The following MAGI2 variants were observed in gnomAD, a reference collection of about 807,000 sequenced individuals.
MAGI2 encodes the protein membrane associated guanylate kinase, WW and PDZ domain containing 2, also known as membrane-associated guanylate kinase, WW and PDZ domain-containing protein 2.
Under a neutral mutation model 133.3 loss-of-function variants are expected in MAGI2, and 35 were observed. That is an observed-to-expected ratio of 0.26 (90% CI 0.20 to 0.35). The LOEUF is 0.35. Ranked by LOEUF, MAGI2 falls within the 10% of genes least tolerant of loss-of-function variation. The pLI is 1.00. For missense variants in MAGI2, 1,636 were observed against 1,863.4 expected, an observed-to-expected ratio of 0.88 and a Z score of 2.25; for synonymous variants, 729 against 710.6, an observed-to-expected ratio of 1.03 and a Z score of -0.41.
chr7:78,253,442 C>G (rs905980276), intron 10 of MAGI2: 8 of 152,164 alleles, frequency 5.3e-5, no homozygotes, highest in Non-Finnish European at 1.2e-4. Context: ...TGTTGCACAA[C>G]TATATCATTT....
chr7:78,406,897 A>G (rs1797431188), intron 6 of MAGI2, among the ~76,000 whole-genome samples: 1 of 152,036 alleles, frequency 6.6e-6, no homozygotes, highest in African/African-American at 2.4e-5. Flanking sequence ...TGTAATATTC[A>G]TTGTCACTGT....
chr7:78,421,367 T>C lies in MAGI2; in HGVS notation c.1046-52154A>G, dbSNP rs371045971. On this transcript the variant is annotated intron_variant, in intron 6 of 21. Coordinates refer to ENST00000354212, the MANE Select transcript of MAGI2 (RefSeq NM_012301.4). ...GGCCTTGTTGAGTTCTCTGAGGTGGTTAACAATTATTGTGTGGCCAAATTG... is the reference window on the plus strand; with the variant it reads ...GGCCTTGTTGAGTTCTCTGAGGTGGCTAACAATTATTGTGTGGCCAAATTG... Among the ~76,000 whole-genome samples the C allele has an allele frequency of 3.7e-4, 56 of 152,336 alleles. 2 individuals carry two copies. In the South Asian group the frequency reaches 0.011, roughly 29 times the overall value.
chr7:78,644,722 G>A (rs551067694), intron 2 of MAGI2, among the ~76,000 whole-genome samples: 113 of 152,022 alleles, frequency 7.4e-4, no homozygotes, highest in South Asian at 6.2e-4. Context: ...CAATGACCTC[G>A]GAAACTGGTA....
chr7:78,504,346 T>A (rs1464046226), intron 4 of MAGI2, among the ~76,000 whole-genome samples: 2 of 152,226 alleles, frequency 1.3e-5, no homozygotes, highest in African/African-American at 4.8e-5. Flanking sequence ...TGTGTATGTT[T>A]ACTGAGCTAT....
intron 9 of MAGI2, among the ~76,000 whole-genome samples, chr7:78,335,115 T>C (rs186039231): frequency 1.3e-5 from 2 of 152,348 alleles, no homozygotes; most frequent in African/African-American, 4.8e-5. Context: ...CTGCAAAACC[T>C]AAAATGTTTT....
chr7:78,377,465 G>C lies in MAGI2; in HGVS notation c.1046-8252C>G, dbSNP rs572497138. On this transcript the variant is annotated intron_variant, in intron 6 of 21. Coordinates refer to ENST00000354212, the MANE Select transcript of MAGI2 (RefSeq NM_012301.4). ...AAGTATGAAGAATTGAAAGAAAGGG[G>C]GTTGACAGTGAGCAGAATAACATTC... Among the ~76,000 whole-genome samples the C allele has an allele frequency of 2.6e-5, 4 of 151,878 alleles. No homozygotes were observed. In the East Asian group the frequency reaches 7.8e-4, roughly 29 times the overall value.
Position 78,521,688 on chromosome 7 carries a change from C to A in MAGI2, c.539-43G>T, listed in dbSNP as rs769037901. On this transcript the variant is annotated intron_variant, in intron 3 of 21. Transcript: ENST00000354212. ...ACATTCTTGGAGTTAAATATTTCTT[C>A]TACCATGTACATAATTTGTGAAGAA... The A allele has an allele frequency of 3.3e-6, 5 of 1,516,998 alleles. No homozygotes were observed. The African/African-American group carries it at 5.5e-5, about 17-fold the overall frequency. The allele number at this position is 1,516,998 out of a possible 1,614,324, so 94.0% of individuals were successfully genotyped here.
intron 1 of MAGI2, among the ~76,000 whole-genome samples, chr7:79,445,025 T>C (rs1296747637): frequency 6.6e-6 from 1 of 152,178 alleles, no homozygotes; most frequent in African/African-American, 2.4e-5. Flanking sequence ...TCTACAACTC[T>C]CTGATCTTTG....
intron 2 of MAGI2, among the ~76,000 whole-genome samples, chr7:78,656,106 A>T (rs1312983670): frequency 6.6e-6 from 1 of 152,148 alleles, no homozygotes; most frequent in Non-Finnish European, 1.5e-5. Flanking sequence ...ACAGCCTAAG[A>T]GGCTGTCCAT....
chr7:79,270,024 T>C (rs1342645474), intron 1 of MAGI2, among the ~76,000 whole-genome samples: 2 of 152,126 alleles, frequency 1.3e-5, no homozygotes, highest in African/African-American at 4.8e-5. Flanking sequence ...TAAGACTTTT[T>C]TAGAGATTCT....
rs549793901 is a variant in MAGI2 at position 78,587,180 on chromosome 7, A to G, written c.538+39940T>C. Among the ~76,000 whole-genome samples the G allele has an allele frequency of 1.9e-3, 287 of 152,310 alleles. 1 individual carries two copies. The highest frequency in any genetic ancestry group is 6.4e-3 in the African/African-American group (268 of 41,570). On this transcript the variant is annotated intron_variant, in intron 3 of 21. Transcript: ENST00000354212. ...TACTGTTTTCCATAGCAGCTGCACC[A>G]TTTTATATTCTCACCAGAAATGTAC...
intron 21 of MAGI2, among the ~76,000 whole-genome samples, chr7:78,029,425 A>C (rs1471343176): frequency 1.3e-5 from 2 of 152,228 alleles, no homozygotes; most frequent in Non-Finnish European, 2.9e-5. Context: ...ATATTTAAAG[A>C]CAAGTTTTGA....
intron 1 of MAGI2, among the ~76,000 whole-genome samples, chr7:79,146,884 C>T (rs1407213550): frequency 6.6e-6 from 1 of 152,176 alleles, no homozygotes; most frequent in African/African-American, 2.4e-5. Flanking sequence ...TAACTCTGCC[C>T]TGATGGAGTA....
chr7:78,295,025 A>G (rs2151053681), intron 9 of MAGI2, among the ~76,000 whole-genome samples: 1 of 152,278 alleles, frequency 6.6e-6, no homozygotes, highest in Middle Eastern at 3.4e-3. Context: ...TATGTTGAAT[A>G]TCATTTATCT....
intron 2 of MAGI2, among the ~76,000 whole-genome samples, chr7:78,816,382 A>C (rs1419904421): frequency 6.6e-6 from 1 of 152,226 alleles, no homozygotes; most frequent in Non-Finnish European, 1.5e-5. Flanking sequence ...TAGCTAAAAT[A>C]ATTGATGAAA....
At chr7:78,818,511 T>C (rs1320604842) in intron 2 of MAGI2, among the ~76,000 whole-genome samples, 1 of 152,230 alleles carries the variant, frequency 6.6e-6, no homozygotes, top group East Asian at 1.9e-4. Context: ...AAAGTAATTA[T>C]AAAATTCATT....
chr7:79,063,740 C>T (rs1814017102), intron 1 of MAGI2, among the ~76,000 whole-genome samples: 1 of 152,024 alleles, frequency 6.6e-6, no homozygotes, highest in Non-Finnish European at 1.5e-5. Context: ...TACACCAATC[C>T]ATCTGCTTCT....
At position 78,019,202 on chromosome 7, in the gene MAGI2, G is replaced by A; in HGVS notation, c.*113C>T. ...CTTCACGTCGATGCTCCCAGGCCTT[G>A]GTGCCTCGTGGATCTATGCGTGTGA... On this transcript the variant is annotated 3_prime_UTR_variant, in exon 22 of 22. Coordinates refer to ENST00000354212, the MANE Select transcript of MAGI2 (RefSeq NM_012301.4). 7.9e-7 allele frequency: 1 copy of A among 1,259,134 alleles called. No homozygotes were observed. Among genetic ancestry groups the A allele is most frequent in the Non-Finnish European group, 1.1e-6 (1 of 916,338 alleles). 78.0% of individuals were successfully genotyped at this position (1,259,134 alleles called of 1,614,324 possible). A position where few individuals can be genotyped will look rare whatever the true frequency, so the allele number is the denominator to read the frequency against.
intron 6 of MAGI2, among the ~76,000 whole-genome samples, chr7:78,483,953 A>T (rs1584344879): frequency 6.6e-6 from 1 of 152,104 alleles, no homozygotes; most frequent in South Asian, 2.1e-4. Flanking sequence ...TTGCAAACAT[A>T]ATCTTAGCAG....
Sources: allele counts gnomAD v4.1 joint callset (sites outside exome capture counted in the v4.1 genomes callset), GRCh38; gene constraint gnomAD v4.1.1; transcripts MANE v1.5; gene names NCBI Gene and HGNC (gene_info 2026-07-23, HGNC 2026-07-21).